Variants in KCNIP4 observed in about 807,000 individuals in gnomAD.
The protein encoded by KCNIP4 is potassium voltage-gated channel interacting protein 4.
A neutral mutation model predicts 34.0 loss-of-function variants in KCNIP4; 12 were observed. That is an observed-to-expected ratio of 0.35 (90% CI 0.23 to 0.57). The LOEUF (loss-of-function observed/expected upper bound fraction) is 0.57, where lower values mean the gene tolerates loss of function less well. Ranked by LOEUF, KCNIP4 falls within the 20% of genes least tolerant of loss-of-function variation. KCNIP4 has a pLI of 0.83. For missense variants in KCNIP4, 238 were observed against 311.7 expected (o/e 0.76, Z 1.78); for synonymous variants, 124 against 102.2 (o/e 1.21, Z -1.29).
chr4:21,126,617 C>CAAAAAA lies in KCNIP4; in HGVS notation c.62-243914_62-243909dup, dbSNP rs71655615. On this transcript the variant is annotated intron_variant, in intron 1 of 8. Transcript: ENST00000382152. ...AACTTTGTTGAGAGAAGAGAAATAG[C>CAAAAAA]AAAAAAAAAAAAAAAGAAAAGAAAA... 1.2e-3 allele frequency among the ~76,000 whole-genome samples: 97 copies of CAAAAAA among 81,952 alleles called. 1 individual carries two copies. The highest frequency in any genetic ancestry group is 3.3e-3 in the African/African-American group (77 of 23,472). The allele number at this position is 81,952 out of a possible 152,430, so 53.8% of individuals were successfully genotyped here.
chr4:20,900,753 C>A (rs1346967850), intron 1 of KCNIP4, among the ~76,000 whole-genome samples: 1 of 151,734 alleles, frequency 6.6e-6, no homozygotes, highest in African/African-American at 2.4e-5. Context: ...GCACTGTCAA[C>A]AGACTTTATT....
chr4:21,722,203 T>G (rs1186355395), intron 1 of KCNIP4, among the ~76,000 whole-genome samples: 2 of 152,124 alleles, frequency 1.3e-5, no homozygotes, highest in African/African-American at 4.8e-5. Context: ...AAGAAAGCTG[T>G]AAAAGTAAAT....
At chr4:21,887,398 C>T (rs1274573386) in intron 1 of KCNIP4, among the ~76,000 whole-genome samples, 1 of 152,090 alleles carries the variant, frequency 6.6e-6, no homozygotes, top group Non-Finnish European at 1.5e-5. Context: ...ACACTAATCT[C>T]ATTCATGAGA....
At chr4:21,511,226 G>C (rs902629564) in intron 1 of KCNIP4, among the ~76,000 whole-genome samples, 2 of 151,940 alleles carry the variant, frequency 1.3e-5, no homozygotes, top group African/African-American at 4.8e-5. Flanking sequence ...CTGATACTAG[G>C]AAACAGTGTA....
At chr4:20,851,640 A>G (rs1229521117) in intron 2 of KCNIP4, among the ~76,000 whole-genome samples, 1 of 152,014 alleles carries the variant, frequency 6.6e-6, no homozygotes, top group Non-Finnish European at 1.5e-5. Context: ...ACTAATTCAC[A>G]CTCCCACCAA....
chr4:21,505,845 G>A (rs1197689042), intron 1 of KCNIP4, among the ~76,000 whole-genome samples: 1 of 152,156 alleles, frequency 6.6e-6, no homozygotes, highest in Admixed American at 6.6e-5. Context: ...GCTCATGCCT[G>A]TAATCCCAGC....
At chr4:21,558,645 A>C (rs1739270867) in intron 1 of KCNIP4, among the ~76,000 whole-genome samples, 1 of 152,156 alleles carries the variant, frequency 6.6e-6, no homozygotes, top group East Asian at 1.9e-4. Flanking sequence ...CTAACAAGAA[A>C]AAAAATCCAT....
At chr4:21,070,648 C>T (rs182560429) in intron 1 of KCNIP4, among the ~76,000 whole-genome samples, 2 of 122,008 alleles carry the variant, frequency 1.6e-5, no homozygotes, top group African/African-American at 6.1e-5. Flanking sequence ...TCTGTTTTTA[C>T]TGTTGAGTTT....
At chr4:21,910,670 G>A (rs1374575182) in intron 1 of KCNIP4, among the ~76,000 whole-genome samples, 1 of 152,118 alleles carries the variant, frequency 6.6e-6, no homozygotes, top group Non-Finnish European at 1.5e-5. Flanking sequence ...ATTATATAAG[G>A]GAGGCTTTTC....
chr4:21,036,055 C>G (rs1240443129), intron 1 of KCNIP4, among the ~76,000 whole-genome samples: 1 of 152,156 alleles, frequency 6.6e-6, no homozygotes, highest in Non-Finnish European at 1.5e-5. Context: ...GAAATTATAT[C>G]CTTGCTTGAC....
intron 1 of KCNIP4, among the ~76,000 whole-genome samples, chr4:21,533,362 A>C (rs2108982612): frequency 6.6e-6 from 1 of 152,290 alleles, no homozygotes; most frequent in Non-Finnish European, 1.5e-5. Context: ...AAGGACTAAA[A>C]GCAAATTGTT....
intron 1 of KCNIP4, among the ~76,000 whole-genome samples, chr4:21,254,242 A>G (rs544845074): frequency 6.0e-4 from 91 of 152,212 alleles, no homozygotes; most frequent in Non-Finnish European, 1.1e-3. Context: ...TAGAGTTTCA[A>G]ACATGGTTGT....
At chr4:21,791,998 C>A in intron 1 of KCNIP4, among the ~76,000 whole-genome samples, 1 of 60,480 alleles carries the variant, frequency 1.7e-5, no homozygotes. Flanking sequence ...GAGACTCCGT[C>A]TCAAAAAAAA....
At chr4:21,221,063 A>G (rs1757947682) in intron 1 of KCNIP4, among the ~76,000 whole-genome samples, 1 of 152,162 alleles carries the variant, frequency 6.6e-6, no homozygotes, top group South Asian at 2.1e-4. Context: ...TAAATAATTC[A>G]TCGTTCATTC....
At chr4:21,427,757 G>A (rs531303884) in intron 1 of KCNIP4, among the ~76,000 whole-genome samples, 47 of 152,288 alleles carry the variant, frequency 3.1e-4, no homozygotes, top group Non-Finnish European at 4.4e-4. Flanking sequence ...AACTGTCCGC[G>A]TAGGGCAGAA....
At position 21,781,862 on chromosome 4, in the gene KCNIP4, T is replaced by A. The variant is rs191175803; in HGVS notation, c.61+166709A>T. On this transcript the variant is annotated intron_variant, in intron 1 of 8. Transcript: ENST00000382152. Reference sequence around the variant, plus strand: ...TAAAGTTTCTATATTTCACTTCAACTGGTAAAGTGTTGACACCAGTAAACT... The same window carrying A: ...TAAAGTTTCTATATTTCACTTCAACAGGTAAAGTGTTGACACCAGTAAACT... Among the ~76,000 whole-genome samples, 536 of 152,204 alleles carry A rather than the reference T, an allele frequency of 3.5e-3. 3 individuals are homozygous for A. Among genetic ancestry groups the A allele is most frequent in the African/African-American group, 0.011 (454 of 41,552 alleles).
At chr4:21,340,894 G>T (rs1716696423) in intron 1 of KCNIP4, among the ~76,000 whole-genome samples, 1 of 152,174 alleles carries the variant, frequency 6.6e-6, no homozygotes, top group African/African-American at 2.4e-5. Context: ...CAGATAAAAG[G>T]CTCTGTAATT....
chr4:20,759,888 T>A (rs6817475), intron 3 of KCNIP4, among the ~76,000 whole-genome samples: 3 of 151,818 alleles, frequency 2.0e-5, no homozygotes, highest in African/African-American at 4.8e-5. Context: ...CTTGTTATCC[T>A]TGGGGCATTG....
intron 1 of KCNIP4, among the ~76,000 whole-genome samples, chr4:20,997,312 G>C (rs1737647656): frequency 6.6e-6 from 1 of 152,186 alleles, no homozygotes; most frequent in African/African-American, 2.4e-5. Context: ...GGCAGAAAGG[G>C]ACTGGACACA....
Sources: gnomAD v4.1 joint callset for allele counts (sites outside exome capture counted in the v4.1 genomes callset) on GRCh38, gnomAD v4.1.1 for gene constraint, MANE v1.5 for transcripts, NCBI Gene and HGNC (gene_info 2026-07-23, HGNC 2026-07-21) for gene names.